Variants in INTS6 observed in about 807,000 individuals in gnomAD.
The protein encoded by INTS6 is DEAD box protein.
Under a neutral mutation model 104.9 loss-of-function variants are expected in INTS6, and 16 were observed. The ratio of observed to expected loss-of-function variants is 0.15; its 90% CI spans 0.10 to 0.23. The LOEUF (loss-of-function observed/expected upper bound fraction) is 0.23. Ranked by LOEUF, INTS6 falls within the 10% of genes least tolerant of loss-of-function variation. The pLI is 1.00. For synonymous variants in INTS6, 324 were observed against 358.7 expected (o/e 0.90, Z 1.09); for missense variants, 584 against 1,062.8 (o/e 0.55, Z 6.26).
At chr13:51,449,713 A>G (rs1359865316) in intron 3 of INTS6, 7 of 985,420 alleles carry the variant, frequency 7.1e-6, no homozygotes, top group Non-Finnish European at 8.4e-6. Context: ...ACATATCACA[A>G]AGGAATATAA....
rs1263273939 is a variant in INTS6, at chr13:51,387,441, A to G, written c.839T>C (p.Ile280Thr). ...VRPNPKTGVPIGHWPVPESFW... is the reference protein window; with the variant it reads ...VRPNPKTGVPTGHWPVPESFW... ...AGACTCTGGAACAGGCCAATGACCT[A>G]TAGGAACCCCAGTTTTAGGATTTGG... The change falls in exon 7 of 18, where the codon ATA becomes ACA. Residue 280 changes from isoleucine (I) to threonine (T), a missense_variant. By Grantham distance (89) the Ile-to-Thr change is moderately conservative (BLOSUM62 -1). Coordinates refer to ENST00000311234, the MANE Select transcript of INTS6 (RefSeq NM_012141.3). The G allele has an allele frequency of 3.1e-6, 5 of 1,613,866 alleles. No individual in the cohort carries two copies. Among genetic ancestry groups the G allele is most frequent in the Non-Finnish European group, 4.2e-6 (5 of 1,179,852 alleles).
At chr13:51,382,008 T>C (rs751796575) in intron 10 of INTS6, 21 bp downstream of exon 10, 2 of 1,556,298 alleles carry the variant, frequency 1.3e-6, no homozygotes, top group African/African-American at 2.7e-5. Flanking sequence ...GCCAACAAGT[T>C]CTTTTAAATA....
At chr13:51,420,592 A>C (rs1956879174) in intron 4 of INTS6, among the ~76,000 whole-genome samples, 1 of 152,182 alleles carries the variant, frequency 6.6e-6, no homozygotes, top group Non-Finnish European at 1.5e-5. Flanking sequence ...TACGAGCTAC[A>C]TAAATCCAAA....
At chr13:51,411,990 C>CTACTGACA (rs2138036038) in intron 4 of INTS6, among the ~76,000 whole-genome samples, 1 of 152,282 alleles carries the variant, frequency 6.6e-6, no homozygotes, top group South Asian at 2.1e-4. Flanking sequence ...AAGAAACAAT[C>CTACTGACA]TACTGACATA....
Position 51,361,988 on chromosome 13 carries a change from T to A in INTS6, c.*3764A>T, listed in dbSNP as rs748854554. On this transcript the variant is annotated 3_prime_UTR_variant, in exon 18 of 18. Transcript: ENST00000311234. ...TCCACTATCCCCTCAAAAATAAGCATTCTTTCTAGCTGTTTTTATGGTGCT... is the reference window on the plus strand; with the variant it reads ...TCCACTATCCCCTCAAAAATAAGCAATCTTTCTAGCTGTTTTTATGGTGCT... The A allele has an allele frequency of 1.6e-5, 25 of 1,610,706 alleles. No homozygotes were observed. Among genetic ancestry groups the A allele is most frequent in the Non-Finnish European group, 2.0e-5 (23 of 1,178,168 alleles).
At chr13:51,347,331 A>G in the INTS6 span, 3 of 1,060,916 alleles carry the variant, frequency 2.8e-6, no homozygotes, top group East Asian at 7.7e-5. Flanking sequence ...AGGGATCGGG[A>G]TGTGTTTCCG....
At chr13:51,441,421 T>C (rs1420514433) in intron 3 of INTS6, 2 of 152,190 alleles carry the variant, frequency 1.3e-5, no homozygotes, top group Non-Finnish European at 2.9e-5. Context: ...ATGGGGAAAG[T>C]GAGGCTGAGA....
At chr13:51,435,660 C>T (rs575818486) in intron 3 of INTS6, among the ~76,000 whole-genome samples, 2 of 152,080 alleles carry the variant, frequency 1.3e-5, no homozygotes, top group South Asian at 4.1e-4. Context: ...CAAATATAAA[C>T]TAACCTGATC....
rs1448264862 is a variant in INTS6 at position 51,369,172 on chromosome 13, G to A, written c.2243C>T (p.Pro748Leu). The change falls in exon 16 of 18, where the codon CCA becomes CTA. Residue 748 changes from proline to leucine, a missense_variant. Transcript: ENST00000311234. Reference sequence around the variant, plus strand: ...ACCAAGAGCCTCCATATGATTGGTTGGCCGTTCCAGTAAACTGGCTGGAGA... The same window carrying A: ...ACCAAGAGCCTCCATATGATTGGTTAGCCGTTCCAGTAAACTGGCTGGAGA... ...ASSPASLLER[P>L]TNHMEALGHD... 6.2e-7 allele frequency: 1 copy of A among 1,613,850 alleles called. No individual in the cohort carries two copies. The highest frequency in any genetic ancestry group is 1.1e-5 in the South Asian group (1 of 91,078).
chr13:51,402,693 A>C (rs1956460380), intron 4 of INTS6: 1 of 152,130 alleles, frequency 6.6e-6, no homozygotes, highest in Non-Finnish European at 1.5e-5. Flanking sequence ...ATTTGGGAAG[A>C]CTGTCCTATT....
the INTS6 span, chr13:51,341,151 C>T: frequency 6.2e-7 from 1 of 1,613,936 alleles, no homozygotes; most frequent in Non-Finnish European, 8.5e-7. Flanking sequence ...GAGCAAATGG[C>T]CACCTCCGTG....
chr13:51,441,120 G>C (rs1952789859), intron 3 of INTS6: 1 of 152,124 alleles, frequency 6.6e-6, no homozygotes, highest in African/African-American at 2.4e-5. Flanking sequence ...TGAGAAACTT[G>C]ATGCTCAGAG....
intron 3 of INTS6, chr13:51,444,143 T>C (rs1369666568): frequency 2.0e-5 from 3 of 151,914 alleles, no homozygotes; most frequent in Non-Finnish European, 4.4e-5. Context: ...AGTGGCACCA[T>C]CTCAGCTCAC....
intron 3 of INTS6, chr13:51,443,328 T>C (rs931478422): frequency 7.9e-5 from 12 of 152,180 alleles, no homozygotes; most frequent in Non-Finnish European, 1.3e-4. Flanking sequence ...TAATGAAAAC[T>C]TGTCAGTAGA....
intron 4 of INTS6, among the ~76,000 whole-genome samples, chr13:51,420,623 G>GT (rs1205164447): frequency 6.6e-6 from 1 of 151,930 alleles, no homozygotes; most frequent in African/African-American, 2.4e-5. Context: ...AGGTAGCTAT[G>GT]TTTTTTTAAA....
At chr13:51,367,991 T>C (rs1165586422) in intron 16 of INTS6, 93 bp from the exon 17 acceptor site, 2 of 611,984 alleles carry the variant, frequency 3.3e-6, no homozygotes, top group East Asian at 3.2e-5. Flanking sequence ...TATTAAGATA[T>C]ACTGAGATAA....
the INTS6 span, among the ~76,000 whole-genome samples, chr13:51,336,307 G>A: frequency 6.6e-6 from 1 of 152,046 alleles, no homozygotes; most frequent in African/African-American, 2.4e-5. Flanking sequence ...GGCCAACATG[G>A]CGAAACCCCA....
At chr13:51,381,449 C>A (rs191124637) in intron 10 of INTS6, among the ~76,000 whole-genome samples, 15 of 152,136 alleles carry the variant, frequency 9.9e-5, no homozygotes, top group African/African-American at 3.6e-4. Context: ...TCATTTCTAC[C>A]TCATAGGGTA....
rs186172804 is a variant in INTS6, at chr13:51,449,900, A to G, written c.339+1125T>C. ...TAAACGTTGGAAGTTCAATTTGGTA[A>G]GCTCACTCTGAATTTCAGTGTACAT... is the stretch of plus-strand genomic sequence containing the variant. On this transcript the variant is annotated intron_variant, in intron 3 of 17. Transcript: ENST00000311234. 3.0e-5 allele frequency: 30 copies of G among 985,250 alleles called. 1 individual carries two copies. The East Asian group carries it at 3.4e-3, about 112-fold the overall frequency. The allele number at this position is 985,250 out of a possible 1,614,324, so 61.0% of individuals were successfully genotyped here.
Sources: gnomAD v4.1 joint callset for allele counts (sites outside exome capture counted in the v4.1 genomes callset) on GRCh38, gnomAD v4.1.1 for gene constraint, MANE v1.5 for transcripts, NCBI Gene and HGNC (gene_info 2026-07-23, HGNC 2026-07-21) for gene names.